Variants in NAV2 observed in about 807,000 individuals in gnomAD.
The protein encoded by NAV2 is helicase, APC down-regulated 1.
A neutral mutation model predicts 223.2 loss-of-function variants in NAV2; 54 were observed. That is an observed-to-expected ratio of 0.24 (90% CI 0.19 to 0.30). NAV2 has a LOEUF of 0.30. Among genes scored for constraint, NAV2 ranks in the 10% least tolerant of loss-of-function variants. The pLI is 1.00. For missense variants in NAV2, 2,806 were observed against 3,147.5 expected (o/e 0.89, Z 2.60); for synonymous variants, 1,279 against 1,239.3 (o/e 1.03, Z -0.67).
chr11:19,831,434 G>A (rs1590786205), intron 1 of NAV2, among the ~76,000 whole-genome samples: 1 of 151,918 alleles, frequency 6.6e-6, no homozygotes, highest in African/African-American at 2.4e-5. Flanking sequence ...TAGTACTTGA[G>A]CCTGTTGTCA....
chr11:19,504,568 G>A lies in NAV2; in HGVS notation c.75+153541G>A, dbSNP rs1296681492. On this transcript the variant is annotated intron_variant, in intron 1 of 37. Coordinates refer to the NAV2 transcript ENST00000360655. Reference sequence around the variant, plus strand: ...TAGGATTTTCAGAGCAGCCCAATGTGAAAGGTGGAGCTATCCTATCTGAGA... The same window carrying A: ...TAGGATTTTCAGAGCAGCCCAATGTAAAAGGTGGAGCTATCCTATCTGAGA... Among the ~76,000 whole-genome samples, 3 of 152,210 alleles carry A rather than the reference G, an allele frequency of 2.0e-5. No homozygotes were observed. The South Asian group carries it at 6.2e-4, about 32-fold the overall frequency.
intron 1 of NAV2, among the ~76,000 whole-genome samples, chr11:19,566,580 G>A (rs2045275782): frequency 1.3e-5 from 2 of 152,242 alleles, no homozygotes; most frequent in African/African-American, 2.4e-5. Context: ...CCCTGTGCCT[G>A]AGACAGGGAG....
chr11:19,558,621 A>C (rs971751693), intron 1 of NAV2, among the ~76,000 whole-genome samples: 1 of 152,248 alleles, frequency 6.6e-6, no homozygotes, highest in Admixed American at 6.5e-5. Flanking sequence ...GAAAAGCCAC[A>C]GCTGCTTGTG....
intron 1 of NAV2, among the ~76,000 whole-genome samples, chr11:19,665,916 ATCATCATCATCATCATCATCG>A (rs2048397461): frequency 6.6e-6 from 1 of 151,872 alleles, no homozygotes. Context: ...AGAATGCAGA[ATCATCATCATCATCATCATCG>A]TCATCATCAT....
intron 1 of NAV2, among the ~76,000 whole-genome samples, chr11:19,791,206 G>A (rs2057491313): frequency 6.6e-6 from 1 of 152,090 alleles, no homozygotes. Flanking sequence ...CTGCCCACGT[G>A]GACATCACTC....
chr11:19,814,481 C>CAAA (rs1247917849), intron 1 of NAV2, among the ~76,000 whole-genome samples: 1 of 152,194 alleles, frequency 6.6e-6, no homozygotes, highest in African/African-American at 2.4e-5. Flanking sequence ...CATTTGGGAG[C>CAAA]ATGCATTCAC....
intron 1 of NAV2, among the ~76,000 whole-genome samples, chr11:19,534,611 C>T (rs2044130434): frequency 6.6e-6 from 1 of 152,142 alleles, no homozygotes; most frequent in Non-Finnish European, 1.5e-5. Context: ...TCTGCAGATG[C>T]AAGAAGATAC....
At chr11:19,780,688 GA>G (rs1358144659) in intron 1 of NAV2, among the ~76,000 whole-genome samples, 1 of 152,234 alleles carries the variant, frequency 6.6e-6, no homozygotes, top group Non-Finnish European at 1.5e-5. Context: ...AAAAATTAGG[GA>G]AAAAAATGTA....
chr11:19,389,035 G>T (rs1053533014), intron 1 of NAV2, among the ~76,000 whole-genome samples: 1 of 152,146 alleles, frequency 6.6e-6, no homozygotes, highest in African/African-American at 2.4e-5. Context: ...TAACATTCTG[G>T]TTTTTTACCA....
intron 1 of NAV2, among the ~76,000 whole-genome samples, chr11:19,398,338 T>C (rs1169890220): frequency 6.6e-6 from 1 of 152,164 alleles, no homozygotes; most frequent in Non-Finnish European, 1.5e-5. Flanking sequence ...ATGGTGCGAA[T>C]GCATTCATGA....
intron 19 of NAV2, among the ~76,000 whole-genome samples, chr11:20,059,598 G>A (rs951134149): frequency 6.6e-6 from 1 of 151,928 alleles, no homozygotes; most frequent in Non-Finnish European, 1.5e-5. Context: ...ACAAACAAAT[G>A]AAAAAAGAAT....
At chr11:19,926,641 GAAA>G (rs59491897) in intron 6 of NAV2, among the ~76,000 whole-genome samples, 25 of 141,622 alleles carry the variant, frequency 1.8e-4, no homozygotes, top group South Asian at 4.4e-4. Flanking sequence ...TACACTTAAA[GAAA>G]AAAAAAAAAA....
intron 1 of NAV2, among the ~76,000 whole-genome samples, chr11:19,432,592 T>C (rs1851074409): frequency 6.6e-6 from 1 of 152,172 alleles, no homozygotes; most frequent in Admixed American, 6.5e-5. Context: ...AAGCAGCCAC[T>C]GAGAAGACAT....
intron 10 of NAV2, among the ~76,000 whole-genome samples, chr11:19,956,391 C>T (rs1284389404): frequency 7.1e-6 from 1 of 141,824 alleles, no homozygotes; most frequent in Non-Finnish European, 1.5e-5. Flanking sequence ...CACACACACA[C>T]ACACGCTCTC....
At chr11:20,113,733 G>C (rs2062823238) in intron 36 of NAV2, among the ~76,000 whole-genome samples, 2 of 152,162 alleles carry the variant, frequency 1.3e-5, no homozygotes, top group African/African-American at 4.8e-5. Flanking sequence ...GACCAGCCCA[G>C]CACAGTGGCT....
intron 3 of NAV2, among the ~76,000 whole-genome samples, chr11:19,858,213 TC>T (rs1392045447): frequency 6.6e-6 from 1 of 152,182 alleles, no homozygotes; most frequent in African/African-American, 2.4e-5. Flanking sequence ...TCTCTCCATT[TC>T]CCCCATCCAC....
intron 6 of NAV2, among the ~76,000 whole-genome samples, chr11:19,912,270 A>G (rs2153222190): frequency 6.6e-6 from 1 of 152,344 alleles, no homozygotes; most frequent in South Asian, 2.1e-4. Flanking sequence ...CATTTGCAGA[A>G]TAAGAGCAAA....
At chr11:19,742,952 C>G (rs2052985194) in intron 1 of NAV2, among the ~76,000 whole-genome samples, 1 of 152,188 alleles carries the variant, frequency 6.6e-6, no homozygotes, top group South Asian at 2.1e-4. Context: ...TTAAAGATGT[C>G]AAAGTTTGTA....
At chr11:19,405,387 C>T (rs1849852868) in intron 1 of NAV2, among the ~76,000 whole-genome samples, 5 of 152,198 alleles carry the variant, frequency 3.3e-5, no homozygotes. Flanking sequence ...ACCTGGGTCT[C>T]TCGTCTTCCC....
Sources: allele counts gnomAD v4.1 joint callset (sites outside exome capture counted in the v4.1 genomes callset), GRCh38; gene constraint gnomAD v4.1.1; transcripts MANE v1.5; gene names NCBI Gene and HGNC (gene_info 2026-07-23, HGNC 2026-07-21).